KDM4A: variants seen among roughly 807,000 people sequenced by gnomAD.
KDM4A encodes lysine-specific demethylase 4A.
A neutral mutation model predicts 127.1 loss-of-function variants in KDM4A; 23 were observed. That is an observed-to-expected ratio of 0.18 (90% CI 0.13 to 0.26). KDM4A has a LOEUF of 0.26. Ranked by LOEUF, KDM4A falls within the 10% of genes least tolerant of loss-of-function variation. The pLI is 1.00. For missense variants in KDM4A, 890 were observed against 1,329.1 expected (o/e 0.67, Z 5.14); for synonymous variants, 443 against 466.5 (o/e 0.95, Z 0.65).
chr1:43,681,720 G>A (rs1342524101), intron 11 of KDM4A, among the ~76,000 whole-genome samples: 1 of 152,152 alleles, frequency 6.6e-6, no homozygotes, highest in South Asian at 2.1e-4. Flanking sequence ...GCGGGGGCAG[G>A]TCGGGGGGAA....
chr1:43,699,685 T>C (rs137877183), intron 19 of KDM4A: 48 of 152,266 alleles, frequency 3.2e-4, no homozygotes, highest in African/African-American at 1.1e-3. Context: ...AAACAAAAGA[T>C]TGCCATTTCC....
intron 11 of KDM4A, among the ~76,000 whole-genome samples, chr1:43,676,740 TA>T (rs1039008803): frequency 6.6e-6 from 1 of 152,212 alleles, no homozygotes; most frequent in African/African-American, 2.4e-5. Flanking sequence ...ATAATGTACA[TA>T]TTTTTGGGGT....
chr1:43,688,272 G>T lies in KDM4A; in HGVS notation c.1856-642G>T, dbSNP rs1389206094. Among the ~76,000 whole-genome samples, 6 of 152,196 alleles carry T rather than the reference G, an allele frequency of 3.9e-5. No individual in the cohort carries two copies. Among genetic ancestry groups the T allele is most frequent in the African/African-American group, 7.2e-5 (3 of 41,456 alleles). On this transcript the variant is annotated intron_variant, in intron 12 of 21. Coordinates refer to ENST00000372396, the MANE Select transcript of KDM4A (RefSeq NM_014663.3). The surrounding 1 kb of genome is among the most constrained non-coding windows in gnomAD (Gnocchi z 4.4). ...TCAGTGGGCTGGATTCAGCCTGCAG[G>T]ATATTGTTTGCCAGCGTCAGGCATC...
At chr1:43,656,004 T>G (rs1192143463) in intron 3 of KDM4A, among the ~76,000 whole-genome samples, 1 of 152,216 alleles carries the variant, frequency 6.6e-6, no homozygotes, top group Non-Finnish European at 1.5e-5. Context: ...CCATCAGAAG[T>G]AGAATCATTT....
intron 11 of KDM4A, among the ~76,000 whole-genome samples, 192 bp downstream of exon 11, chr1:43,672,067 C>T (rs1660632151): frequency 6.6e-6 from 1 of 152,208 alleles, no homozygotes; most frequent in Non-Finnish European, 1.5e-5. Context: ...CATTCACTCT[C>T]CCAGCTTGTT....
In KDM4A at chr1:43,671,493, T is replaced by C. The variant is rs1660616788; in HGVS notation, c.1364-12T>C. On this transcript the variant is annotated splice_polypyrimidine_tract_variant and intron_variant, in intron 10 of 21. Coordinates refer to ENST00000372396, the MANE Select transcript of KDM4A (RefSeq NM_014663.3). ...GGAACTTGGCTCTGTCTAATGTGTA[T>C]GTGTGTTTCAGATTATTCTGACTCC... 1.3e-6 allele frequency: 2 copies of C among 1,540,956 alleles called. No homozygotes were observed. The highest frequency in any genetic ancestry group is 1.3e-5 in the South Asian group (1 of 77,828).
At position 43,697,909 on chromosome 1, in the gene KDM4A, C is replaced by A. The variant is rs781099856; in HGVS notation, c.2737C>A (p.Arg913Ser). ...AGTCATTAGCAAGCATAAGAACGGGCGCTTCTACCAGTGTGAAGTGGTCAG... is the reference window on the plus strand; with the variant it reads ...AGTCATTAGCAAGCATAAGAACGGGAGCTTCTACCAGTGTGAAGTGGTCAG... ...QKVISKHKNG[R>S]FYQCEVVRLT... Residue 913 changes from arginine to serine, a missense_variant, in exon 19 of 22, where the codon CGC becomes AGC. Arg to Ser is a moderately radical substitution (Grantham distance 110, BLOSUM62 -1). Coordinates refer to ENST00000372396, the MANE Select transcript of KDM4A (RefSeq NM_014663.3). 2 of 1,613,796 alleles carry A rather than the reference C, an allele frequency of 1.2e-6. No homozygotes were observed. Among genetic ancestry groups the A allele is most frequent in the Non-Finnish European group, 1.7e-6 (2 of 1,179,990 alleles).
At chr1:43,680,599 C>G (rs532763230) in intron 11 of KDM4A, among the ~76,000 whole-genome samples, 3 of 152,248 alleles carry the variant, frequency 2.0e-5, no homozygotes, top group Non-Finnish European at 4.4e-5. Context: ...GGGCTGTGTA[C>G]CTTCCTGGAG....
At chr1:43,697,705 C>A in intron 18 of KDM4A, 138 bp from the exon 19 acceptor site, 1 of 772,934 alleles carries the variant, frequency 1.3e-6, no homozygotes, top group Non-Finnish European at 2.0e-6. Context: ...GTTTTAGCTC[C>A]CATCTCTTCT....
Position 43,694,693 on chromosome 1 carries a change from T to A in KDM4A, c.2485-16T>A, listed in dbSNP as rs767339208. The A allele has an allele frequency of 1.3e-6, 2 of 1,591,152 alleles. No individual in the cohort carries two copies. Among genetic ancestry groups the A allele is most frequent in the Non-Finnish European group, 1.7e-6 (2 of 1,161,318 alleles). On this transcript the variant is annotated splice_polypyrimidine_tract_variant and intron_variant, in intron 17 of 21. Transcript: ENST00000372396. This position sits in a 1 kb window ranked among gnomAD's most constrained non-coding sequence, Gnocchi z 5.2. ...CCAGTTCCTGCAATCACTGGTTTTC[T>A]TCCCCTGTGCTACAGAAATGTATCT... is the stretch of plus-strand genomic sequence containing the variant.
chr1:43,679,399 C>T (rs577121632), intron 11 of KDM4A, among the ~76,000 whole-genome samples: 22 of 152,126 alleles, frequency 1.4e-4, no homozygotes, highest in Admixed American at 2.6e-4. Context: ...GAATAAGGGA[C>T]AGATAGTCAA....
chr1:43,699,493 A>AG (rs1453385618), intron 19 of KDM4A, among the ~76,000 whole-genome samples: 1 of 152,158 alleles, frequency 6.6e-6, no homozygotes, highest in African/African-American at 2.4e-5. Context: ...CACTGTGAGA[A>AG]GGATGTGGTA....
chr1:43,662,019 A>G (rs908518977), intron 4 of KDM4A, among the ~76,000 whole-genome samples: 6 of 152,052 alleles, frequency 3.9e-5, no homozygotes, highest in Non-Finnish European at 2.9e-5. Flanking sequence ...TCACCCTCCC[A>G]AGTAGCTGAG....
rs372655074 is a variant in KDM4A, at chr1:43,666,851, G to C, written c.778-103G>C. ...ACAGCAAGGACCCCAGGGGTTTTAT[G>C]ACTTACCCTTTGTTACTCAGCTAAG... is the stretch of plus-strand genomic sequence containing the variant. On this transcript the variant is annotated intron_variant, in intron 7 of 21. Transcript: ENST00000372396. The C allele has an allele frequency of 3.3e-5, 39 of 1,195,380 alleles. No homozygotes were observed. In the African/African-American group the frequency reaches 5.6e-4, roughly 17 times the overall value. 74.0% of individuals were successfully genotyped at this position (1,195,380 alleles called of 1,614,324 possible). A position where few individuals can be genotyped will look rare whatever the true frequency, so the allele number is the denominator to read the frequency against.
chr1:43,701,595 A>G (rs927259043), intron 19 of KDM4A, among the ~76,000 whole-genome samples: 2 of 152,158 alleles, frequency 1.3e-5, no homozygotes, highest in Non-Finnish European at 2.9e-5. Flanking sequence ...CCCGGCCTCA[A>G]GCAGTCCTCA....
In KDM4A at chr1:43,693,246, C is replaced by T. The variant is rs187318020; in HGVS notation, c.2376-748C>T. ...ATGCCTGTTCTGCCCTCCAGGGCCA[C>T]ACAGAACAAATCTGTTCCCACTCTA... is the stretch of plus-strand genomic sequence containing the variant. On this transcript the variant is annotated intron_variant, in intron 16 of 21. Transcript: ENST00000372396. This position sits in a 1 kb window ranked among gnomAD's most constrained non-coding sequence, Gnocchi z 4.2. Among the ~76,000 whole-genome samples, 6 of 152,332 alleles carry T rather than the reference C, an allele frequency of 3.9e-5. No individual in the cohort carries two copies. The highest frequency in any genetic ancestry group is 1.4e-4 in the African/African-American group (6 of 41,568).
intron 4 of KDM4A, 131 bp downstream of exon 4, chr1:43,660,543 C>T: frequency 7.6e-7 from 1 of 1,309,354 alleles, no homozygotes; most frequent in Non-Finnish European, 1.0e-6. Flanking sequence ...CTACCCCCAG[C>T]TGATGTTGCT....
rs926207988 is a variant in KDM4A at position 43,667,782 on chromosome 1, G to A, written c.926G>A (p.Arg309Lys). The change falls in exon 9 of 22, where the codon AGA becomes AAA. Residue 309 changes from arginine (R) to lysine (K), a missense_variant. Arg to Lys is a conservative substitution (Grantham distance 26). Coordinates refer to ENST00000372396, the MANE Select transcript of KDM4A (RefSeq NM_014663.3). ...GGTTCCTGCTGACAGTGCTCCTGTAGAAAGGACATGGTGAAGATCTCCATG... is the reference window on the plus strand; with the variant it reads ...GGTTCCTGCTGACAGTGCTCCTGTAAAAAGGACATGGTGAAGATCTCCATG... ...YGKQAVLCSC[R>K]KDMVKISMDV... 1 of 1,614,108 alleles carries A rather than the reference G, an allele frequency of 6.2e-7. No homozygotes were observed. The highest frequency in any genetic ancestry group is 1.3e-5 in the African/African-American group (1 of 74,940).
chr1:43,670,553 CTAATT>C (rs1660594668), intron 10 of KDM4A, among the ~76,000 whole-genome samples: 1 of 136,616 alleles, frequency 7.3e-6, no homozygotes, highest in Admixed American at 7.6e-5. Context: ...CCACGCCTGG[CTAATT>C]TTTTTTTTTT....
Sources: gnomAD v4.1 joint callset for allele counts (sites outside exome capture counted in the v4.1 genomes callset) on GRCh38, gnomAD v4.1.1 for gene constraint, Gnocchi (gnomAD v3.1) non-coding constraint, MANE v1.5 for transcripts, NCBI Gene and HGNC (gene_info 2026-07-23, HGNC 2026-07-21) for gene names.